EPM2A: variants seen among roughly 807,000 people sequenced by gnomAD.
EPM2A encodes the protein EPM2A glucan phosphatase, laforin.
A neutral mutation model predicts 26.5 loss-of-function variants in EPM2A; 21 were observed. The ratio of observed to expected loss-of-function variants is 0.79; its 90% CI spans 0.56 to 1.14. The LOEUF (loss-of-function observed/expected upper bound fraction) is 1.14. EPM2A is among the 50% of genes most tolerant of loss of function. EPM2A has a pLI of 0.00. For synonymous variants in EPM2A, 217 were observed against 177.6 expected (o/e 1.22, Z -1.76); for missense variants, 458 against 440.8 (o/e 1.04, Z -0.35).
intron 4 of EPM2A, among the ~76,000 whole-genome samples, chr6:145,484,696 A>C (rs1373647732): frequency 6.6e-6 from 1 of 152,026 alleles, no homozygotes; most frequent in East Asian, 1.9e-4. Flanking sequence ...ATGCGAAAAC[A>C]AAATGTCTTG....
chr6:145,689,232 T>C (rs1781123555), intron 1 of EPM2A, among the ~76,000 whole-genome samples: 1 of 152,208 alleles, frequency 6.6e-6, no homozygotes, highest in African/African-American at 2.4e-5. Flanking sequence ...TATGTTCTAA[T>C]AATTAAAATG....
At chr6:145,644,301 T>C (rs899216411) in intron 2 of EPM2A, among the ~76,000 whole-genome samples, 4 of 152,190 alleles carry the variant, frequency 2.6e-5, no homozygotes, top group Non-Finnish European at 4.4e-5. Flanking sequence ...TTTCGTGAAT[T>C]CCCAGTGAGC....
At chr6:145,589,085 G>A (rs1217284257) in intron 2 of EPM2A, among the ~76,000 whole-genome samples, 5 of 152,096 alleles carry the variant, frequency 3.3e-5, no homozygotes, top group African/African-American at 7.2e-5. Flanking sequence ...CAAAATATTC[G>A]TCTATGACAG....
At chr6:145,451,102 A>G (rs1454299494) in intron 4 of EPM2A, among the ~76,000 whole-genome samples, 3 of 152,204 alleles carry the variant, frequency 2.0e-5, no homozygotes, top group Non-Finnish European at 2.9e-5. Context: ...ATACGGTTTA[A>G]GCTTTTAAGT....
chr6:145,560,416 G>C (rs1408608766), intron 2 of EPM2A, among the ~76,000 whole-genome samples: 1 of 152,032 alleles, frequency 6.6e-6, no homozygotes, highest in Non-Finnish European at 1.5e-5. Context: ...CTTCTGTAAA[G>C]GGCCAGATAG....
chr6:145,522,300 ACT>A (rs1780213879), intron 2 of EPM2A, among the ~76,000 whole-genome samples: 1 of 151,970 alleles, frequency 6.6e-6, no homozygotes. Context: ...CAGCTTAGGT[ACT>A]CTCTAACTTT....
At chr6:145,511,197 G>A (rs1327126158) in intron 2 of EPM2A, among the ~76,000 whole-genome samples, 1 of 151,558 alleles carries the variant, frequency 6.6e-6, no homozygotes, top group Non-Finnish European at 1.5e-5. Context: ...ACAAAGATCT[G>A]GTACCAATTT....
chr6:145,394,158 T>C (rs1423036789), intron 4 of EPM2A, among the ~76,000 whole-genome samples: 1 of 152,150 alleles, frequency 6.6e-6, no homozygotes, highest in African/African-American at 2.4e-5. Context: ...AGCCAGGGCA[T>C]CCTCATTCTT....
intron 2 of EPM2A, among the ~76,000 whole-genome samples, chr6:145,547,798 G>A (rs1480771500): frequency 6.6e-6 from 1 of 152,050 alleles, no homozygotes; most frequent in East Asian, 1.9e-4. Flanking sequence ...TCAGACCCAA[G>A]GAATGATGAA....
At chr6:145,663,389 C>T (rs376383998) in intron 2 of EPM2A, among the ~76,000 whole-genome samples, 1 of 152,058 alleles carries the variant, frequency 6.6e-6, no homozygotes, top group Non-Finnish European at 1.5e-5. Flanking sequence ...TGGGCACAGG[C>T]CAGTGGGTGC....
intron 2 of EPM2A, among the ~76,000 whole-genome samples, chr6:145,658,687 A>T (rs1263647809): frequency 6.6e-6 from 1 of 150,714 alleles, no homozygotes; most frequent in African/African-American, 2.5e-5. Context: ...AAAATAAGTT[A>T]AAAAAAATCT....
intron 2 of EPM2A, among the ~76,000 whole-genome samples, chr6:145,653,920 TAA>T (rs1490716978): frequency 6.6e-6 from 1 of 152,196 alleles, no homozygotes; most frequent in Admixed American, 6.5e-5. Context: ...AGTTGACACA[TAA>T]AATTAACTCT....
intron 4 of EPM2A, among the ~76,000 whole-genome samples, chr6:145,460,055 A>C (rs1779310180): frequency 6.6e-6 from 1 of 152,204 alleles, no homozygotes; most frequent in Non-Finnish European, 1.5e-5. Flanking sequence ...TAACAAAAAT[A>C]GACTTAAGAA....
intron 2 of EPM2A, among the ~76,000 whole-genome samples, chr6:145,655,811 A>G (rs1778236776): frequency 6.6e-6 from 1 of 152,188 alleles, no homozygotes; most frequent in African/African-American, 2.4e-5. Flanking sequence ...GGCATTTACT[A>G]ATTCGAACAC....
chr6:145,449,562 C>A (rs549858305), intron 4 of EPM2A, among the ~76,000 whole-genome samples: 1 of 152,308 alleles, frequency 6.6e-6, no homozygotes, highest in East Asian at 1.9e-4. Context: ...AGCAAGCCCC[C>A]GCACAAGCCC....
intron 4 of EPM2A, among the ~76,000 whole-genome samples, chr6:145,435,350 T>C (rs1778975848): frequency 6.6e-6 from 1 of 151,234 alleles, no homozygotes; most frequent in African/African-American, 2.4e-5. Context: ...GTGATTCTTC[T>C]AGCAAATGGC....
intron 2 of EPM2A, among the ~76,000 whole-genome samples, chr6:145,568,261 T>C (rs567473773): frequency 3.3e-5 from 5 of 152,190 alleles, no homozygotes; most frequent in East Asian, 1.9e-4. Flanking sequence ...CTCAGAGAGA[T>C]TGAATGATTT....
chr6:145,672,202 T>C (rs766858745), intron 2 of EPM2A, among the ~76,000 whole-genome samples: 13 of 152,216 alleles, frequency 8.5e-5, no homozygotes, highest in Non-Finnish European at 1.8e-4. Context: ...TTTATTGAGC[T>C]ATTTACCAAG....
chr6:145,426,294 A>T (rs1582746137), intron 4 of EPM2A, among the ~76,000 whole-genome samples: 1 of 152,292 alleles, frequency 6.6e-6, no homozygotes, highest in African/African-American at 2.4e-5. Context: ...TGTATAACTC[A>T]TCCTATGAGT....
Sources: gnomAD v4.1 joint callset for allele counts (sites outside exome capture counted in the v4.1 genomes callset) on GRCh38, gnomAD v4.1.1 for gene constraint, MANE v1.5 for transcripts, NCBI Gene and HGNC (gene_info 2026-07-23, HGNC 2026-07-21) for gene names.